The following LRRK2 variants were observed in gnomAD, a reference collection of about 807,000 sequenced individuals.
The protein encoded by LRRK2 is leucine-rich repeat serine/threonine-protein kinase 2.
A neutral mutation model predicts 302.6 loss-of-function variants in LRRK2; 203 were observed. That is an observed-to-expected ratio of 0.67 (90% CI 0.60 to 0.75). The LOEUF (loss-of-function observed/expected upper bound fraction) is 0.75, where lower values mean the gene tolerates loss of function less well. LRRK2 is among the 30% of genes least tolerant of loss of function. The pLI, the probability that LRRK2 is intolerant of heterozygous loss-of-function variation, is 0.00. For missense variants in LRRK2, 2,830 were observed against 2,951.0 expected (o/e 0.96, Z 0.95); for synonymous variants, 1,066 against 1,031.9 (o/e 1.03, Z -0.63).
At chr12:40,333,270 T>C (rs551055771) in intron 39 of LRRK2, among the ~76,000 whole-genome samples, 18 of 152,232 alleles carry the variant, frequency 1.2e-4, no homozygotes, top group African/African-American at 4.3e-4. Flanking sequence ...GAAAATCCCC[T>C]CTCAGGGTGT....
At chr12:40,248,753 C>A (rs1942123382) in intron 7 of LRRK2, among the ~76,000 whole-genome samples, 1 of 152,166 alleles carries the variant, frequency 6.6e-6, no homozygotes, top group Non-Finnish European at 1.5e-5. Flanking sequence ...TTCTGAGTCA[C>A]ACAGTGATTC....
chr12:40,261,314 G>A (rs1341407820), intron 13 of LRRK2, among the ~76,000 whole-genome samples: 2 of 152,036 alleles, frequency 1.3e-5, no homozygotes, highest in South Asian at 4.1e-4. Context: ...AACCGTTTCT[G>A]TTAGTTAATA....
intron 14 of LRRK2, among the ~76,000 whole-genome samples, chr12:40,270,876 G>A (rs1943203695): frequency 6.6e-6 from 1 of 151,664 alleles, no homozygotes; most frequent in Non-Finnish European, 1.5e-5. Context: ...ATATAATTTT[G>A]GCATGAAAAA....
chr12:40,362,803 G>A (rs556654140), intron 47 of LRRK2, among the ~76,000 whole-genome samples: 21 of 152,038 alleles, frequency 1.4e-4, no homozygotes, highest in East Asian at 5.8e-4. Flanking sequence ...TAAGGTGTTC[G>A]TAATTTTTCT....
rs1945176683 is a variant in LRRK2 at position 40,315,251 on chromosome 12, G to A, written c.4778G>A (p.Ser1593Asn). The A allele has an allele frequency of 1.9e-6, 3 of 1,612,756 alleles. No homozygotes were observed. The highest frequency in any genetic ancestry group is 2.5e-6 in the Non-Finnish European group (3 of 1,178,974). Residue 1593 changes from serine to asparagine, a missense_variant, in exon 33 of 51, where the codon AGT becomes AAT. By Grantham distance (46) the Ser-to-Asn change is conservative. Transcript: ENST00000298910. ...LHFQDPALQL[S>N]DLYFVEPKWL... ...TTTCAAGACCCAGCACTGCAGTTAA[G>A]TGACTTGTACTTTGTGGAACCCAAG...
At chr12:40,231,506 C>T (rs1199789759) in intron 2 of LRRK2, among the ~76,000 whole-genome samples, 1 of 142,252 alleles carries the variant, frequency 7.0e-6, no homozygotes, top group Non-Finnish European at 1.5e-5. Flanking sequence ...CTGCAGTGAT[C>T]TATGATTGCA....
chr12:40,352,617 A>G (rs1946390253), intron 44 of LRRK2, among the ~76,000 whole-genome samples: 2 of 151,158 alleles, frequency 1.3e-5, no homozygotes, highest in South Asian at 4.2e-4. Flanking sequence ...GGCCTTCCGT[A>G]GTGTTTGTGT....
rs779495892 is a variant in LRRK2 at position 40,240,483 on chromosome 12, T to C, written c.572T>C (p.Val191Ala). 1 of 1,612,284 alleles carries C rather than the reference T, an allele frequency of 6.2e-7. No homozygotes were observed. The highest frequency in any genetic ancestry group is 1.7e-5 in the Admixed American group (1 of 59,882). ...CAGTATTTTGTCTTTCATTTTTAAG[T>C]CTCAGAGGAGCAACTGACTGAATTT... ...CKALHVLFER[V>A]SEEQLTEFVE... The change falls in exon 6 of 51, where the codon GTC (valine) becomes GCC (alanine). Residue 191 changes from valine to alanine, a missense_variant and splice_region_variant. Physicochemically the swap from Val to Ala is moderately conservative, Grantham distance 64. Coordinates refer to ENST00000298910, the MANE Select transcript of LRRK2 (RefSeq NM_198578.4).
At position 40,295,622 on chromosome 12, in the gene LRRK2, G is replaced by A; in HGVS notation, c.3074G>A (p.Ser1025Asn). The A allele has an allele frequency of 5.6e-6, 9 of 1,613,904 alleles. No individual in the cohort carries two copies. The highest frequency in any genetic ancestry group is 1.3e-5 in the African/African-American group (1 of 75,054). The change falls in exon 23 of 51, where the codon AGC becomes AAC. Residue 1025 changes from serine (S) to asparagine (N), a missense_variant. Physicochemically the swap from Ser to Asn is conservative, Grantham distance 46. Around this residue, in one of 3 missense-constraint regions of LRRK2, gnomAD observed 2,121 missense variants for 2,148.0 expected, o/e 0.99. Coordinates refer to ENST00000298910, the MANE Select transcript of LRRK2 (RefSeq NM_198578.4). ...KLELHQNALT[S>N]FPQQLCETLK... ...GAGCTTCACCAGAATGCACTCACGA[G>A]CTTTCCACAACAGCTATGTGAAGTA...
rs72546336 is a variant in LRRK2, at chr12:40,251,361, A to G, written c.1088A>G (p.Asn363Ser). 6.2e-7 allele frequency: 1 copy of G among 1,614,032 alleles called. No individual in the cohort carries two copies. Among genetic ancestry groups the G allele is most frequent in the Non-Finnish European group, 8.5e-7 (1 of 1,179,928 alleles). Residue 363 changes from asparagine (N) to serine (S), a missense_variant, in exon 9 of 51, where the codon AAC (asparagine) becomes AGC (serine). Transcript: ENST00000298910. ...CYKALTWHRKNKHVQEAACWA... is the reference protein window; with the variant it reads ...CYKALTWHRKSKHVQEAACWA... ...AAAGCATTAACGTGGCATAGAAAGA[A>G]CAAGCACGTGCAGGTAGGACTCTCA...
intron 18 of LRRK2, among the ~76,000 whole-genome samples, chr12:40,279,882 T>G (rs1943613163): frequency 6.6e-6 from 1 of 152,244 alleles, no homozygotes; most frequent in Non-Finnish European, 1.5e-5. Flanking sequence ...GATTAAATCT[T>G]GTGGATGAGT....
At chr12:40,304,384 A>G (rs1304404044) in intron 27 of LRRK2, 3 of 567,870 alleles carry the variant, frequency 5.3e-6, no homozygotes, top group African/African-American at 3.8e-5. Flanking sequence ...ACTTTTAAAA[A>G]TAAGGTAGTA....
intron 39 of LRRK2, 103 bp from the exon 40 acceptor site, chr12:40,334,864 T>C (rs940051052): frequency 1.4e-5 from 18 of 1,275,512 alleles, no homozygotes; most frequent in Non-Finnish European, 2.0e-5. Flanking sequence ...GATCCAGTCA[T>C]ACAGAGAAAT....
At chr12:40,272,496 T>C (rs1943273914) in intron 14 of LRRK2, among the ~76,000 whole-genome samples, 1 of 152,182 alleles carries the variant, frequency 6.6e-6, no homozygotes, top group Admixed American at 6.6e-5. Context: ...TGAATACATA[T>C]GAAGTTCTTA....
chr12:40,234,264 A>G (rs971363487), intron 3 of LRRK2, among the ~76,000 whole-genome samples: 3 of 152,160 alleles, frequency 2.0e-5, no homozygotes, highest in Non-Finnish European at 4.4e-5. Flanking sequence ...GTAAAGCCAA[A>G]CAATGCTTTG....
intron 25 of LRRK2, among the ~76,000 whole-genome samples, chr12:40,302,491 T>A (rs1322119848): frequency 6.6e-6 from 1 of 152,142 alleles, no homozygotes; most frequent in African/African-American, 2.4e-5. Flanking sequence ...CACACATAAT[T>A]TGAAATGAAT....
intron 39 of LRRK2, among the ~76,000 whole-genome samples, chr12:40,332,521 T>G (rs1945740958): frequency 6.6e-6 from 1 of 152,162 alleles, no homozygotes; most frequent in South Asian, 2.1e-4. Flanking sequence ...CCTTGATTTA[T>G]TACAAAAAAT....
chr12:40,265,268 ACT>A, intron 14 of LRRK2, among the ~76,000 whole-genome samples: 1 of 152,206 alleles, frequency 6.6e-6, no homozygotes, highest in East Asian at 1.9e-4. Flanking sequence ...TATGCTTTGT[ACT>A]CTTCTCTCCT....
chr12:40,268,520 T>C (rs367835315), intron 14 of LRRK2, among the ~76,000 whole-genome samples: 1 of 152,070 alleles, frequency 6.6e-6, no homozygotes, highest in Admixed American at 6.6e-5. Flanking sequence ...AGAGGAGTAG[T>C]TGAATATATG....
Sources: allele counts gnomAD v4.1 joint callset (sites outside exome capture counted in the v4.1 genomes callset), GRCh38; gene constraint gnomAD v4.1.1; regional missense constraint gnomAD v4.1.1; transcripts MANE v1.5; gene names NCBI Gene and HGNC (gene_info 2026-07-23, HGNC 2026-07-21).